The following RUVBL1 variants were observed in gnomAD, a reference collection of about 807,000 sequenced individuals.
RUVBL1 encodes ruvB-like 1.
In RUVBL1, 4 loss-of-function variants were observed where a neutral mutation model predicts 52.4. The ratio of observed to expected loss-of-function variants is 0.08; its 90% CI spans 0.04 to 0.17. RUVBL1 has a LOEUF of 0.17. RUVBL1 is among the 10% of genes least tolerant of loss of function. The pLI, the probability that RUVBL1 is intolerant of heterozygous loss-of-function variation, is 1.00. For synonymous variants in RUVBL1, 217 were observed against 214.4 expected (o/e 1.01, Z -0.10); for missense variants, 298 against 572.8 (o/e 0.52, Z 4.90).
intron 3 of RUVBL1, among the ~76,000 whole-genome samples, chr3:128,110,899 C>T (rs962401565): frequency 6.6e-5 from 10 of 152,012 alleles, no homozygotes; most frequent in African/African-American, 2.4e-4. Flanking sequence ...CTAAAGACTT[C>T]TGTTTTCATA....
chr3:128,120,974 C>T (rs1943633075), intron 1 of RUVBL1, among the ~76,000 whole-genome samples: 1 of 147,200 alleles, frequency 6.8e-6, no homozygotes, highest in South Asian at 2.2e-4. Context: ...GAGCGAGACT[C>T]CCTCTCAAAA....
At chr3:128,106,466 C>A (rs367577436) in intron 3 of RUVBL1, among the ~76,000 whole-genome samples, 24 of 152,086 alleles carry the variant, frequency 1.6e-4, no homozygotes, top group South Asian at 8.3e-4. Flanking sequence ...TATCCCCCCC[C>A]CCTTCACACA....
intron 1 of RUVBL1, among the ~76,000 whole-genome samples, chr3:128,132,463 TG>T (rs1181045596): frequency 6.6e-6 from 1 of 152,122 alleles, no homozygotes; most frequent in Non-Finnish European, 1.5e-5. Flanking sequence ...CAGCGCAGCT[TG>T]CAGCTCCCGG....
chr3:128,080,436 C>T (rs1450800283), downstream of RUVBL1, among the ~76,000 whole-genome samples: 1 of 152,198 alleles, frequency 6.6e-6, no homozygotes, highest in African/African-American at 2.4e-5. Context: ...AGTAACTTTA[C>T]AGTGAGAAGA....
chr3:128,115,848 G>A (rs193110416), intron 2 of RUVBL1, among the ~76,000 whole-genome samples: 1 of 152,210 alleles, frequency 6.6e-6, no homozygotes, highest in African/African-American at 2.4e-5. Context: ...AACCGGGACT[G>A]GGCACGGTGG....
At chr3:128,065,786 G>C (rs1020586183) in intron 9 of RUVBL1, among the ~76,000 whole-genome samples, 2 of 136,992 alleles carry the variant, frequency 1.5e-5, no homozygotes, top group African/African-American at 5.8e-5. Flanking sequence ...GCCCAGGCTG[G>C]AGTGCAGTGG....
chr3:128,130,615 TTTTATTTATTTATGTATTTATTTATTTA>T (rs1943861991), intron 1 of RUVBL1, among the ~76,000 whole-genome samples: 3 of 91,308 alleles, frequency 3.3e-5, no homozygotes, highest in South Asian at 4.2e-4. Flanking sequence ...AAAAAAAAAA[TTTTATTTATTTATGTATTTATTTATTTA>T]TTTATTTATT....
chr3:128,130,255 T>C (rs1451258367), intron 1 of RUVBL1, among the ~76,000 whole-genome samples: 1 of 152,084 alleles, frequency 6.6e-6, no homozygotes, highest in Non-Finnish European at 1.5e-5. Flanking sequence ...AAGCGAATAC[T>C]GTAAATAATT....
rs138437267 is a variant in RUVBL1, at chr3:128,067,127, G to T, written c.940-1907C>A. On this transcript the variant is annotated intron_variant, in intron 9 of 9. Coordinates refer to the RUVBL1 transcript ENST00000464873. This position sits in a 1 kb window ranked among gnomAD's most constrained non-coding sequence, Gnocchi z 4.1. ...CAGCTCGCTTCAGTGGCAACTTGCT[G>T]GTCAGCCTGCTGGGCACCTGGTCGG... The T allele has an allele frequency of 6.2e-7, 1 of 1,614,216 alleles. No homozygotes were observed. The highest frequency in any genetic ancestry group is 1.3e-5 in the African/African-American group (1 of 75,048).
Position 128,115,056 on chromosome 3 carries a change from C to A in RUVBL1, c.229-2036G>T, listed in dbSNP as rs189997439. On this transcript the variant is annotated intron_variant, in intron 2 of 10. Coordinates refer to ENST00000322623, the MANE Select transcript of RUVBL1 (RefSeq NM_003707.3). ...TCTCGTTTCCTCCATTTAAAGACTT[C>A]CAGAGGGAAAGTATATGATATGGCT... Among the ~76,000 whole-genome samples, 31 of 152,226 alleles carry A rather than the reference C, an allele frequency of 2.0e-4. 2 individuals are homozygous for A. The highest frequency in any genetic ancestry group is 1.3e-3 in the East Asian group (7 of 5,188).
intron 1 of RUVBL1, among the ~76,000 whole-genome samples, chr3:128,142,663 G>A (rs1317300081): frequency 2.0e-5 from 3 of 152,088 alleles, no homozygotes; most frequent in East Asian, 1.9e-4. Context: ...CCATTTTCTC[G>A]CCTTCTCCAG....
chr3:128,067,006 A>G lies in RUVBL1; in HGVS notation c.940-1786T>C. 1.2e-6 allele frequency: 2 copies of G among 1,614,174 alleles called. No individual in the cohort carries two copies. The highest frequency in any genetic ancestry group is 1.7e-6 in the Non-Finnish European group (2 of 1,180,030). On this transcript the variant is annotated intron_variant, in intron 9 of 9. Coordinates refer to the RUVBL1 transcript ENST00000464873. The surrounding 1 kb of genome is among the most constrained non-coding windows in gnomAD (Gnocchi z 4.1). ...TCGGCCCGCTACCGTGGCCAGTACAACACCTATCCCATCAAGCTCTTCTAT... is the reference window on the plus strand; with the variant it reads ...TCGGCCCGCTACCGTGGCCAGTACAGCACCTATCCCATCAAGCTCTTCTAT...
chr3:128,088,475 T>G (rs1051933643), intron 8 of RUVBL1, among the ~76,000 whole-genome samples: 30 of 148,874 alleles, frequency 2.0e-4, no homozygotes, highest in East Asian at 1.4e-3. Context: ...GTATAATATA[T>G]AGTATATACT....
At chr3:128,132,178 G>A (rs1352537937) in intron 1 of RUVBL1, among the ~76,000 whole-genome samples, 4 of 152,184 alleles carry the variant, frequency 2.6e-5, no homozygotes, top group South Asian at 2.1e-4. Context: ...CAGCACCCAC[G>A]GAGAGAGCAT....
intron 1 of RUVBL1, among the ~76,000 whole-genome samples, chr3:128,143,115 T>C (rs1408308866): frequency 5.3e-5 from 8 of 151,150 alleles, no homozygotes; most frequent in Non-Finnish European, 1.5e-5. Context: ...CCCTTCATGA[T>C]TACACCAGGC....
chr3:128,129,913 G>A (rs1943848793), intron 1 of RUVBL1, among the ~76,000 whole-genome samples: 1 of 152,140 alleles, frequency 6.6e-6, no homozygotes, highest in Non-Finnish European at 1.5e-5. Flanking sequence ...CTGGGAAGAT[G>A]AAAAAGTTCT....
At chr3:128,075,541 G>T (rs1030515783) in intron 9 of RUVBL1, among the ~76,000 whole-genome samples, 3 of 152,156 alleles carry the variant, frequency 2.0e-5, no homozygotes, top group Non-Finnish European at 2.9e-5. Context: ...TGCACGGGGG[G>T]ACACACGCCT....
Position 128,067,520 on chromosome 3 carries a change from G to A in RUVBL1, c.940-2300C>T, listed in dbSNP as rs990977451. 1 of 1,614,154 alleles carries A rather than the reference G, an allele frequency of 6.2e-7. No homozygotes were observed. The highest frequency in any genetic ancestry group is 8.5e-7 in the Non-Finnish European group (1 of 1,180,004). On this transcript the variant is annotated intron_variant, in intron 9 of 9. Coordinates refer to the RUVBL1 transcript ENST00000464873. This position sits in a 1 kb window ranked among gnomAD's most constrained non-coding sequence, Gnocchi z 4.1. ...TTTTGGCTCCGTGTTAGAAGACCCGGTCCATGCAGTTGTATACATAGTGTT... is the reference window on the plus strand; with the variant it reads ...TTTTGGCTCCGTGTTAGAAGACCCGATCCATGCAGTTGTATACATAGTGTT...
intron 6 of RUVBL1, among the ~76,000 whole-genome samples, chr3:128,100,109 T>A (rs926296770): frequency 1.3e-5 from 2 of 152,220 alleles, no homozygotes; most frequent in African/African-American, 2.4e-5. Flanking sequence ...AGTGATAACA[T>A]CCTTTCCTGC....
Sources: allele counts gnomAD v4.1 joint callset (sites outside exome capture counted in the v4.1 genomes callset), GRCh38; gene constraint gnomAD v4.1.1; non-coding constraint Gnocchi (gnomAD v3.1); transcripts MANE v1.5; gene names NCBI Gene and HGNC (gene_info 2026-07-23, HGNC 2026-07-21).